The following WASHC2C variants were observed in gnomAD, a reference collection of about 807,000 sequenced individuals.
WASHC2C encodes the protein Vaccinia Penetration Factor.
Under a neutral mutation model 142.2 loss-of-function variants are expected in WASHC2C, and 73 were observed. The ratio of observed to expected loss-of-function variants is 0.51; its 90% CI spans 0.43 to 0.62. WASHC2C has a LOEUF of 0.62. Among genes scored for constraint, WASHC2C ranks in the 20% least tolerant of loss-of-function variants. The probability of loss-of-function intolerance (pLI) is 0.00; values close to 1 mark genes in which losing one functional copy is unlikely to be tolerated. For missense variants in WASHC2C, 969 were observed against 1,531.7 expected (o/e 0.63, Z 6.13); for synonymous variants, 337 against 565.5 (o/e 0.60, Z 5.73).
intron 3 of WASHC2C, 142 bp from the exon 4 acceptor site, chr10:45,737,841 C>T: frequency 7.0e-6 from 11 of 1,574,820 alleles, no homozygotes; most frequent in Non-Finnish European, 8.7e-6. Flanking sequence ...TACGGACACC[C>T]ACCTGGTAGT....
At chr10:45,728,331 A>C (rs2050146194) in intron 2 of WASHC2C, among the ~76,000 whole-genome samples, 1 of 152,156 alleles carries the variant, frequency 6.6e-6, no homozygotes, top group South Asian at 2.1e-4. Flanking sequence ...ACCCAGTGCC[A>C]AAAAGGGATT....
chr10:45,779,783 G>A (rs1191606596), intron 23 of WASHC2C, among the ~76,000 whole-genome samples: 2 of 152,044 alleles, frequency 1.3e-5, no homozygotes, highest in African/African-American at 2.4e-5. Flanking sequence ...TCAAGAGATC[G>A]AGACCATCCT....
At chr10:45,742,834 A>G (rs1225830348) in intron 5 of WASHC2C, among the ~76,000 whole-genome samples, 3 of 149,692 alleles carry the variant, frequency 2.0e-5, no homozygotes, top group Non-Finnish European at 3.0e-5. Flanking sequence ...GCCCTTGGGG[A>G]GGGAGATTCT....
At chr10:45,742,901 G>A (rs1426226681) in intron 5 of WASHC2C, among the ~76,000 whole-genome samples, 1 of 140,030 alleles carries the variant, frequency 7.1e-6, no homozygotes, top group Non-Finnish European at 1.5e-5. Flanking sequence ...TTGAGATGGA[G>A]TTTTGCTCTT....
rs1554877587 is a variant in WASHC2C at position 45,757,082 on chromosome 10, A to G, written c.1491A>G (p.Ala497=). ...EGDLFKEKAV[A]SPEATVSQTD... ...ATCTGTTCAAAGAAAAAGCCGTAGC[A>G]TCGCCAGAAGCCACTGTGAGTCAGA... Residue 497 remains alanine, a synonymous_variant, in exon 16 of 31, where the codon GCA becomes GCG. Transcript: ENST00000623400. The G allele has an allele frequency of 4.3e-6, 7 of 1,609,346 alleles. No individual in the cohort carries two copies. In the South Asian group the frequency reaches 7.7e-5, roughly 18 times the overall value.
At chr10:45,731,739 A>T (rs1211956335) in intron 3 of WASHC2C, among the ~76,000 whole-genome samples, 241 of 151,764 alleles carry the variant, frequency 1.6e-3, no homozygotes, top group African/African-American at 5.2e-3. Context: ...CAGCTAATGC[A>T]TAATAAAACT....
At chr10:45,790,875 T>C (rs1231564209) in intron 30 of WASHC2C, among the ~76,000 whole-genome samples, 1 of 152,184 alleles carries the variant, frequency 6.6e-6, no homozygotes, top group Admixed American at 6.5e-5. Context: ...TAAAGTAGGC[T>C]GAGGGGACTG....
At chr10:45,756,543 A>G (rs1395688511) in intron 15 of WASHC2C, among the ~76,000 whole-genome samples, 19 of 152,018 alleles carry the variant, frequency 1.2e-4, no homozygotes, top group Admixed American at 7.2e-4. Flanking sequence ...ACTGTTCCCA[A>G]TGTTCATCTT....
chr10:45,767,743 C>CT (rs2056059194), intron 19 of WASHC2C, among the ~76,000 whole-genome samples: 1 of 142,868 alleles, frequency 7.0e-6, no homozygotes, highest in Non-Finnish European at 1.5e-5. Flanking sequence ...AGCTGACGAA[C>CT]TAAAAAAATA....
chr10:45,760,746 A>C (rs2054956830), intron 17 of WASHC2C, among the ~76,000 whole-genome samples: 1 of 101,020 alleles, frequency 9.9e-6, no homozygotes, highest in South Asian at 4.1e-4. Context: ...GCCTGCTAGC[A>C]CATACCACGC....
At position 45,791,873 on chromosome 10, in the gene WASHC2C, A is replaced by G. The variant is rs1729420453; in HGVS notation, c.3887-388A>G. On this transcript the variant is annotated intron_variant, in intron 30 of 30. Coordinates refer to ENST00000623400, the MANE Select transcript of WASHC2C (RefSeq NM_001330074.2). ...TTCTGAAAGAAAACAGGTGGGTCCT[A>G]TATTGGATTTCCCTTTGCATATTTT... 1.4e-5 allele frequency among the ~76,000 whole-genome samples: 2 copies of G among 146,104 alleles called. 1 individual carries two copies. The highest frequency in any genetic ancestry group is 1.4e-4 in the Admixed American group (2 of 14,074).
intron 23 of WASHC2C, among the ~76,000 whole-genome samples, chr10:45,782,287 G>GA (rs1186909265): frequency 6.6e-6 from 1 of 151,642 alleles, no homozygotes; most frequent in South Asian, 2.1e-4. Context: ...GACCCTGTCT[G>GA]AAAAAAAATA....
intron 3 of WASHC2C, among the ~76,000 whole-genome samples, chr10:45,734,944 A>G (rs2051037742): frequency 6.6e-6 from 1 of 151,544 alleles, no homozygotes; most frequent in African/African-American, 2.4e-5. Context: ...CTTATAGATA[A>G]CCTTTATTGT....
At chr10:45,770,951 C>A (rs1554884380) in intron 20 of WASHC2C, among the ~76,000 whole-genome samples, 2 of 152,144 alleles carry the variant, frequency 1.3e-5, no homozygotes, top group African/African-American at 4.8e-5. Flanking sequence ...TCAGGTATTG[C>A]CAGTTAGCAT....
chr10:45,727,555 C>CGGGGACGCGAGAGCGGCAGG lies in WASHC2C; in HGVS notation c.126+19_126+38dup. Reference sequence around the variant, plus strand: ...CGACGCGGGCGTGAGAGGCGGGCCCCGGGGACGCGAGAGCGGCAGGGGTGA... The same window carrying CGGGGACGCGAGAGCGGCAGG: ...CGACGCGGGCGTGAGAGGCGGGCCCCGGGGACGCGAGAGCGGCAGGGGGGACGCGAGAGCGGCAGGGGTGA... On this transcript the variant is annotated intron_variant, in intron 2 of 30. Coordinates refer to ENST00000623400, the MANE Select transcript of WASHC2C (RefSeq NM_001330074.2). 6.4e-7 allele frequency: 1 copy of CGGGGACGCGAGAGCGGCAGG among 1,566,102 alleles called. No individual in the cohort carries two copies. Among genetic ancestry groups the CGGGGACGCGAGAGCGGCAGG allele is most frequent in the Non-Finnish European group, 8.6e-7 (1 of 1,157,162 alleles).
chr10:45,782,075 GCTGGGAGTTCAAGACCAGC>G (rs2057543861), intron 23 of WASHC2C, among the ~76,000 whole-genome samples: 1 of 132,420 alleles, frequency 7.6e-6, no homozygotes, highest in Non-Finnish European at 1.6e-5. Context: ...ATTGCTTTAG[GCTGGGAGTTCAAGACCAGC>G]CTGGGCAACA....
chr10:45,785,723 C>T (rs2057990417), intron 26 of WASHC2C, 92 bp downstream of exon 26: 10 of 1,607,116 alleles, frequency 6.2e-6, no homozygotes, highest in Non-Finnish European at 8.5e-6. Context: ...TTAGACTTGT[C>T]TGCATTAAGG....
rs1554869307 is a variant in WASHC2C at position 45,743,375 on chromosome 10, T to C, written c.529-15T>C. 1 of 1,611,990 alleles carries C rather than the reference T, an allele frequency of 6.2e-7. No individual in the cohort carries two copies. Among genetic ancestry groups the C allele is most frequent in the Admixed American group, 1.7e-5 (1 of 60,018 alleles). ...ACTGAAATGTTTGACAGCCTATTCC[T>C]TTCATCATGTACAGGATCTATACAT... On this transcript the variant is annotated splice_polypyrimidine_tract_variant and intron_variant, in intron 5 of 30. Coordinates refer to ENST00000623400, the MANE Select transcript of WASHC2C (RefSeq NM_001330074.2).
intron 3 of WASHC2C, among the ~76,000 whole-genome samples, chr10:45,736,174 G>A (rs1286637479): frequency 5.3e-5 from 8 of 150,976 alleles, no homozygotes; most frequent in South Asian, 2.1e-4. Context: ...TTGGGAGGCC[G>A]AGGTGGGCGA....
Sources: allele counts gnomAD v4.1 joint callset (sites outside exome capture counted in the v4.1 genomes callset), GRCh38; gene constraint gnomAD v4.1.1; transcripts MANE v1.5; gene names NCBI Gene and HGNC (gene_info 2026-07-23, HGNC 2026-07-21).